CES1: variants seen among roughly 807,000 people sequenced by gnomAD.
The protein encoded by CES1 is liver carboxylesterase 1.
CES1 carries 50 observed loss-of-function variants against 53.0 expected under a neutral mutation model. The observed-to-expected ratio is 0.94, with a 90% CI of 0.75 to 1.19. CES1 has a LOEUF of 1.19. Among genes scored for constraint, CES1 ranks in the 50% most tolerant of loss-of-function variants. The probability of loss-of-function intolerance (pLI) is 0.00; values close to 1 mark genes in which losing one functional copy is unlikely to be tolerated. For synonymous variants in CES1, 202 were observed against 210.1 expected (o/e 0.96, Z 0.33); for missense variants, 534 against 538.0 (o/e 0.99, Z 0.07).
rs779942599 is a variant in CES1 at position 55,819,559 on chromosome 16, C to G, written c.882G>C (p.Glu294Asp). ...VHCLRQKTEE[E>D]LLETTLKMKF... ...CCATTTTCAATGTCGTCTCCAAGAG[C>G]TCCTCTTCCGTCTTCTGTCGCAGGC... Residue 294 changes from glutamate to aspartate, a missense_variant, in exon 7 of 14, where the codon GAG becomes GAC. By Grantham distance (45) the Glu-to-Asp change is conservative (BLOSUM62 2). Coordinates refer to ENST00000360526, the MANE Select transcript of CES1 (RefSeq NM_001025195.2). 3 of 1,613,906 alleles carry G rather than the reference C, an allele frequency of 1.9e-6. No homozygotes were observed. The highest frequency in any genetic ancestry group is 1.1e-5 in the South Asian group (1 of 91,078).
At chr16:55,831,880 C>A (rs1567510402) in intron 1 of CES1, among the ~76,000 whole-genome samples, 1 of 150,744 alleles carries the variant, frequency 6.6e-6, no homozygotes, top group Non-Finnish European at 1.5e-5. Context: ...GTTTCTCTGT[C>A]TATAAAATGG....
chr16:55,826,169 G>A lies in CES1; in HGVS notation c.387C>T (p.Thr129=). The A allele has an allele frequency of 6.2e-7, 1 of 1,613,950 alleles. No homozygotes were observed. The highest frequency in any genetic ancestry group is 8.5e-7 in the Non-Finnish European group (1 of 1,179,862). ...AACTTACCGGCAGCCTGTTTTTCTTGGTCAAGTCAGCAGGAGTGTAAATAT... is the reference window on the plus strand; with the variant it reads ...AACTTACCGGCAGCCTGTTTTTCTTAGTCAAGTCAGCAGGAGTGTAAATAT... ...YLNIYTPADL[T]KKNRLPVMVW... The change falls in exon 3 of 14, where the codon ACC becomes ACT. Residue 129 remains threonine (T), a synonymous_variant. Transcript: ENST00000360526.
intron 1 of CES1, among the ~76,000 whole-genome samples, chr16:55,829,702 C>A (rs1389237083): frequency 2.4e-4 from 37 of 152,322 alleles, no homozygotes; most frequent in African/African-American, 8.4e-4. Flanking sequence ...TCAGGGAGGG[C>A]TTAGAATGCC....
intron 8 of CES1, among the ~76,000 whole-genome samples, chr16:55,815,252 G>C (rs1214400136): frequency 1.3e-5 from 2 of 152,324 alleles, no homozygotes; most frequent in Middle Eastern, 3.4e-3. Context: ...TGTGCACGCA[G>C]GTGTGTTTTG....
In CES1 at chr16:55,833,068, A is replaced by G; in HGVS notation, c.-13T>C. On this transcript the variant is annotated 5_prime_UTR_variant, in exon 1 of 14. Coordinates refer to ENST00000360526, the MANE Select transcript of CES1 (RefSeq NM_001025195.2). ...CACGGAGCCACATCGTGGAAGGGCG[A>G]CAGTTCTCGGGGCCTGCGAGGTCTC... is the stretch of plus-strand genomic sequence containing the variant. 1 of 1,559,408 alleles carries G rather than the reference A, an allele frequency of 6.4e-7. No individual in the cohort carries two copies.
At chr16:55,826,057 C>G in intron 3 of CES1, 94 bp downstream of exon 3, 3 of 1,503,664 alleles carry the variant, frequency 2.0e-6, no homozygotes, top group Non-Finnish European at 1.9e-6. Context: ...TGTGCAGCTC[C>G]CTCCCCAAGC....
At chr16:55,815,013 A>G (rs1340493353) in intron 8 of CES1, among the ~76,000 whole-genome samples, 1 of 152,208 alleles carries the variant, frequency 6.6e-6, no homozygotes, top group Non-Finnish European at 1.5e-5. Flanking sequence ...CGTGGAAGAG[A>G]CGCCGCCTGC....
intron 1 of CES1, among the ~76,000 whole-genome samples, chr16:55,829,652 G>C (rs1465767453): frequency 1.3e-5 from 2 of 150,548 alleles, no homozygotes; most frequent in Non-Finnish European, 3.0e-5. Context: ...GGTGGAGTCT[G>C]GGGGGAGTGG....
chr16:55,830,797 G>GGAAT, intron 1 of CES1, among the ~76,000 whole-genome samples: 1 of 147,756 alleles, frequency 6.8e-6, no homozygotes, highest in African/African-American at 2.6e-5. Context: ...AAGGAAGGAA[G>GGAAT]GAAGGAAGGA....
Position 55,816,970 on chromosome 16 carries a change from G to A in CES1, c.907-8C>T, listed in dbSNP as rs769924295. 2 of 1,614,160 alleles carry A rather than the reference G, an allele frequency of 1.2e-6. No homozygotes were observed. The highest frequency in any genetic ancestry group is 1.1e-5 in the South Asian group (1 of 91,084). ...GTCCAGAGATAAGAATTTCTGTGAAGACAAAGGCAGAGGATGTGGGTGAGA... is the reference window on the plus strand; with the variant it reads ...GTCCAGAGATAAGAATTTCTGTGAAAACAAAGGCAGAGGATGTGGGTGAGA... On this transcript the variant is annotated splice_polypyrimidine_tract_variant and splice_region_variant and intron_variant, in intron 7 of 13. Coordinates refer to ENST00000360526, the MANE Select transcript of CES1 (RefSeq NM_001025195.2).
intron 3 of CES1, among the ~76,000 whole-genome samples, chr16:55,825,670 C>T (rs1360862549): frequency 1.9e-4 from 29 of 152,322 alleles, no homozygotes; most frequent in Non-Finnish European, 4.4e-5. Context: ...TGCCCTACTC[C>T]ATGTCAAAAG....
chr16:55,822,348 C>A (rs1445598533), intron 4 of CES1, among the ~76,000 whole-genome samples: 1 of 152,146 alleles, frequency 6.6e-6, no homozygotes, highest in East Asian at 1.9e-4. Flanking sequence ...GGGCTAGGAG[C>A]CAGGGAAGAG....
chr16:55,827,200 A>G (rs1403844835), intron 2 of CES1, among the ~76,000 whole-genome samples: 3 of 151,924 alleles, frequency 2.0e-5, no homozygotes, highest in African/African-American at 4.8e-5. Flanking sequence ...CAAGTGACAG[A>G]ATCAGAGCCA....
At chr16:55,824,594 C>T (rs2032344630) in intron 3 of CES1, among the ~76,000 whole-genome samples, 1 of 152,216 alleles carries the variant, frequency 6.6e-6, no homozygotes, top group African/African-American at 2.4e-5. Flanking sequence ...GTGGTAGCAG[C>T]AGGACTTTAA....
At chr16:55,825,417 C>A (rs561006110) in intron 3 of CES1, among the ~76,000 whole-genome samples, 125 of 152,184 alleles carry the variant, frequency 8.2e-4, no homozygotes, top group Non-Finnish European at 3.2e-4. Context: ...CTGCAGCTGG[C>A]GGGCTGCCCC....
chr16:55,830,819 A>AAGGAAGGAAGGAAGGCAGGCAGGCAGGC (rs1454708070), intron 1 of CES1, among the ~76,000 whole-genome samples: 35 of 127,350 alleles, frequency 2.7e-4, no homozygotes, highest in African/African-American at 1.1e-3. Flanking sequence ...GGAAGGAAGG[A>AAGGAAGGAAGGAAGGCAGGCAGGCAGGC]AGGCAGGCAG....
chr16:55,819,394 A>C (rs1163075888), intron 7 of CES1, 141 bp downstream of exon 7: 1 of 727,620 alleles, frequency 1.4e-6, no homozygotes, highest in Non-Finnish European at 2.5e-6. Flanking sequence ...TACAATAAAA[A>C]AGGACAAATC....
chr16:55,823,892 C>G (rs1218903508), intron 3 of CES1, among the ~76,000 whole-genome samples: 7 of 152,254 alleles, frequency 4.6e-5, no homozygotes, highest in Non-Finnish European at 1.0e-4. Flanking sequence ...CTGCACATAC[C>G]CTGGCTGTCC....
chr16:55,824,690 G>C (rs571548405), intron 3 of CES1, among the ~76,000 whole-genome samples: 12 of 152,356 alleles, frequency 7.9e-5, no homozygotes, highest in East Asian at 3.9e-4. Flanking sequence ...TCCACTGTTA[G>C]GGCAGGGGTA....
Sources: allele counts gnomAD v4.1 joint callset (sites outside exome capture counted in the v4.1 genomes callset), GRCh38; gene constraint gnomAD v4.1.1; transcripts MANE v1.5; gene names NCBI Gene and HGNC (gene_info 2026-07-23, HGNC 2026-07-21).